LAMC1: variants seen among roughly 807,000 people sequenced by gnomAD.
LAMC1 encodes laminin subunit gamma-1.
LAMC1 carries 38 observed loss-of-function variants against 173.6 expected under a neutral mutation model. That is an observed-to-expected ratio of 0.22 (90% CI 0.17 to 0.29). The LOEUF is 0.29. Among genes scored for constraint, LAMC1 ranks in the 10% least tolerant of loss-of-function variants. LAMC1 has a pLI of 1.00. For missense variants in LAMC1, 1,824 were observed against 2,051.8 expected, an observed-to-expected ratio of 0.89 and a Z score of 2.14; for synonymous variants, 746 against 749.1, an observed-to-expected ratio of 1.00 and a Z score of 0.07.
intron 1 of LAMC1, among the ~76,000 whole-genome samples, chr1:183,102,653 T>A (rs1385399457): frequency 6.6e-6 from 1 of 152,220 alleles, no homozygotes; most frequent in Non-Finnish European, 1.5e-5. Context: ...TTCTCATATA[T>A]TCTCTTTTGA....
intron 1 of LAMC1, among the ~76,000 whole-genome samples, chr1:183,100,947 A>G (rs1449090828): frequency 1.3e-5 from 2 of 152,206 alleles, no homozygotes; most frequent in African/African-American, 4.8e-5. Flanking sequence ...TAATGCTAGC[A>G]TAATTGCTTT....
chr1:183,112,098 T>C (rs1656175830), intron 4 of LAMC1, among the ~76,000 whole-genome samples: 1 of 152,170 alleles, frequency 6.6e-6, no homozygotes, highest in Non-Finnish European at 1.5e-5. Flanking sequence ...ACCACTATCT[T>C]AACTCACTAC....
chr1:183,109,836 G>T (rs890816233), intron 3 of LAMC1, among the ~76,000 whole-genome samples: 1 of 152,166 alleles, frequency 6.6e-6, no homozygotes, highest in Non-Finnish European at 1.5e-5. Flanking sequence ...CTTGCATCTA[G>T]GGGATCTTTC....
At chr1:183,036,799 G>T (rs1013383403) in intron 1 of LAMC1, among the ~76,000 whole-genome samples, 1 of 150,102 alleles carries the variant, frequency 6.7e-6, no homozygotes, top group Non-Finnish European at 1.5e-5. Flanking sequence ...TTTTTAGATG[G>T]TGTTTCACTC....
intron 21 of LAMC1, among the ~76,000 whole-genome samples, chr1:183,132,974 G>A (rs1162290968): frequency 6.6e-6 from 1 of 152,070 alleles, no homozygotes; most frequent in Admixed American, 6.5e-5. Flanking sequence ...GCAATGGCGC[G>A]ATCTCGGCTC....
chr1:183,131,385 T>C lies in LAMC1; in HGVS notation c.3566+7T>C. 6.2e-7 allele frequency: 1 copy of C among 1,607,278 alleles called. No individual in the cohort carries two copies. The highest frequency in any genetic ancestry group is 8.5e-7 in the Non-Finnish European group (1 of 1,174,242). ...CTCGAAAGCTTGCTGAACGGTAACT[T>C]CTAGATCCCTGTTTAATGGTTAAGT... On this transcript the variant is annotated splice_region_variant and intron_variant, in intron 20 of 27. Coordinates refer to ENST00000258341, the MANE Select transcript of LAMC1 (RefSeq NM_002293.4).
intron 13 of LAMC1, among the ~76,000 whole-genome samples, chr1:183,122,720 C>T (rs1019490534): frequency 3.3e-5 from 5 of 152,134 alleles, no homozygotes; most frequent in African/African-American, 1.2e-4. Flanking sequence ...TGCATTCAGA[C>T]AGCAGAAAGC....
chr1:183,110,937 T>C (rs1198757333), intron 4 of LAMC1, among the ~76,000 whole-genome samples: 1 of 152,188 alleles, frequency 6.6e-6, no homozygotes, highest in Non-Finnish European at 1.5e-5. Flanking sequence ...ACTGGGCCAG[T>C]GTAGTCTACT....
chr1:183,133,604 G>A, intron 22 of LAMC1, 54 bp downstream of exon 22: 1 of 1,521,676 alleles, frequency 6.6e-7, no homozygotes, highest in Non-Finnish European at 8.9e-7. Context: ...CCAAGTCTAT[G>A]TGAGAGCCGA....
chr1:183,125,130 A>G (rs890070668), intron 14 of LAMC1: 5 of 593,284 alleles, frequency 8.4e-6, no homozygotes, highest in Non-Finnish European at 1.2e-5. Flanking sequence ...TATATCCAAC[A>G]TATGATTTCA....
At chr1:183,134,201 T>C (rs1558060276) in intron 22 of LAMC1, among the ~76,000 whole-genome samples, 1 of 152,246 alleles carries the variant, frequency 6.6e-6, no homozygotes, top group African/African-American at 2.4e-5. Context: ...TCACTTCTTA[T>C]ATCTGAGGTG....
chr1:183,073,865 A>T (rs1655066791), intron 1 of LAMC1, among the ~76,000 whole-genome samples: 1 of 152,234 alleles, frequency 6.6e-6, no homozygotes, highest in South Asian at 2.1e-4. Flanking sequence ...TAGTATGCTT[A>T]ACAGAAAAAA....
At chr1:183,119,366 A>T (rs1304702920) in intron 11 of LAMC1, among the ~76,000 whole-genome samples, 2 of 152,204 alleles carry the variant, frequency 1.3e-5, no homozygotes, top group African/African-American at 4.8e-5. Flanking sequence ...AAAATGGCTT[A>T]TAAGTAGTTA....
intron 22 of LAMC1, among the ~76,000 whole-genome samples, chr1:183,134,105 A>G (rs546725319): frequency 6.6e-6 from 1 of 152,318 alleles, no homozygotes; most frequent in South Asian, 2.1e-4. Flanking sequence ...ATTTTATTTC[A>G]TATCTGTACT....
intron 1 of LAMC1, among the ~76,000 whole-genome samples, chr1:183,101,721 AGGAG>A (rs781209314): frequency 7.9e-5 from 12 of 152,142 alleles, no homozygotes; most frequent in East Asian, 1.9e-4. Context: ...TGGTTAGTAA[AGGAG>A]GGAGTCAGGA....
chr1:183,142,763 C>T lies in LAMC1; in HGVS notation c.4803C>T (p.Phe1601=), dbSNP rs1422048582. The change falls in exon 28 of 28, where the codon TTC becomes TTT. Residue 1601 remains phenylalanine (F), a synonymous_variant. Coordinates refer to ENST00000258341, the MANE Select transcript of LAMC1 (RefSeq NM_002293.4). ...GGAAGACCTTACCATCTGGCTGCTTCAACACCCCGTCCATTGAAAAGCCCT... is the reference window on the plus strand; with the variant it reads ...GGAAGACCTTACCATCTGGCTGCTTTAACACCCCGTCCATTGAAAAGCCCT... ...DIRKTLPSGC[F]NTPSIEKP The T allele has an allele frequency of 6.2e-7, 1 of 1,613,190 alleles. No individual in the cohort carries two copies. Among genetic ancestry groups the T allele is most frequent in the Non-Finnish European group, 8.5e-7 (1 of 1,179,610 alleles).
At chr1:183,135,676 C>G (rs1413386) in intron 24 of LAMC1, among the ~76,000 whole-genome samples, 78,902 of 151,638 alleles carry the variant, frequency 0.52, 21,195 homozygotes, top group East Asian at 0.73. Flanking sequence ...AGGAGTTGAA[C>G]ACCAGTTCCT....
Position 183,128,629 on chromosome 1 carries a change from G to A in LAMC1, c.3159G>A (p.Glu1053=), listed in dbSNP as rs763420845. 2.5e-6 allele frequency: 4 copies of A among 1,613,316 alleles called. No individual in the cohort carries two copies. The highest frequency in any genetic ancestry group is 1.3e-5 in the African/African-American group (1 of 74,890). The change falls in exon 18 of 28, where the codon GAG becomes GAA. Residue 1053 remains glutamate (E), a synonymous_variant. Transcript: ENST00000258341. The part of the protein sequence containing the change: ...ADHRVKLQEL[E]SLIANLGTGD... ...ATAGAGTGAAGCTCCAGGAATTAGA[G>A]AGTCTCATAGCAAACCTTGGAACTG...
chr1:183,143,342 G>A lies in LAMC1; in HGVS notation c.*552G>A, dbSNP rs763511588. 6.5e-6 allele frequency: 1 copy of A among 154,464 alleles called. No homozygotes were observed. Among genetic ancestry groups the A allele is most frequent in the Non-Finnish European group, 1.4e-5 (1 of 69,188 alleles). The allele number at this position is 154,464 out of a possible 1,614,324, so 9.6% of individuals were successfully genotyped here. A position where few individuals can be genotyped will look rare whatever the true frequency, so the allele number is the denominator to read the frequency against. ...GCCAAAGGTATTGGTCATTTAGAAT[G>A]TCGGTAGCCATCCATCAGTGCTTTT... On this transcript the variant is annotated 3_prime_UTR_variant, in exon 28 of 28. Coordinates refer to ENST00000258341, the MANE Select transcript of LAMC1 (RefSeq NM_002293.4).
Sources: allele counts gnomAD v4.1 joint callset (sites outside exome capture counted in the v4.1 genomes callset), GRCh38; gene constraint gnomAD v4.1.1; transcripts MANE v1.5; gene names NCBI Gene and HGNC (gene_info 2026-07-23, HGNC 2026-07-21).